The following ZNF799 variants were observed in gnomAD, a reference collection of about 807,000 sequenced individuals.
ZNF799 encodes zinc finger protein 799, also known as zinc finger protein 14.
In ZNF799, 28 loss-of-function variants were observed where a neutral mutation model predicts 41.0. That is an observed-to-expected ratio of 0.68 (90% CI 0.51 to 0.94). ZNF799 has a LOEUF of 0.94. Among genes scored for constraint, ZNF799 ranks in the 40% least tolerant of loss-of-function variants. ZNF799 has a pLI of 0.00. For missense variants in ZNF799, 716 were observed against 764.3 expected (o/e 0.94, Z 0.74); for synonymous variants, 213 against 252.9 (o/e 0.84, Z 1.50).
At chr19:12,401,417 T>G (rs745980975), upstream of ZNF799, 28 of 524,742 alleles carry the variant, frequency 5.3e-5, no homozygotes, top group Non-Finnish European at 8.8e-5. Flanking sequence ...CAGGGCGGGC[T>G]TCCTCCCTGC....
upstream of ZNF799, among the ~76,000 whole-genome samples, chr19:12,402,592 G>A (rs1226011015): frequency 2.1e-5 from 3 of 144,506 alleles, no homozygotes; most frequent in Admixed American, 6.8e-5. Flanking sequence ...CTTTTATTAT[G>A]TTAAGGTAGC....
At chr19:12,398,840 C>A (rs1969937112) in intron 1 of ZNF799, among the ~76,000 whole-genome samples, 1 of 152,092 alleles carries the variant, frequency 6.6e-6, no homozygotes, top group Non-Finnish European at 1.5e-5. Context: ...GAAATTCCAT[C>A]TGAAATCATC....
the ZNF799 span, among the ~76,000 whole-genome samples, chr19:12,411,588 C>T: frequency 1.3e-5 from 2 of 149,808 alleles, no homozygotes; most frequent in Non-Finnish European, 3.0e-5. Context: ...CTTGATATTG[C>T]CCCAGTTTCC....
At chr19:12,409,219 A>G in the ZNF799 span, among the ~76,000 whole-genome samples, 2 of 152,006 alleles carry the variant, frequency 1.3e-5, no homozygotes, top group African/African-American at 4.8e-5. Context: ...ATCCCCTTGC[A>G]TGTGCAGTTC....
chr19:12,394,590 A>T, intron 1 of ZNF799: 1 of 985,432 alleles, frequency 1.0e-6, no homozygotes, highest in Non-Finnish European at 1.2e-6. Context: ...AAGTATGACA[A>T]CAGACTGAGA....
chr19:12,412,556 A>AAC, the ZNF799 span, among the ~76,000 whole-genome samples: 1 of 146,712 alleles, frequency 6.8e-6, no homozygotes, highest in African/African-American at 2.5e-5. Context: ...AAAAAAAAAA[A>AAC]CCCACGAAAT....
chr19:12,391,580 C>A lies in ZNF799; in HGVS notation c.818G>T (p.Arg273Ile), dbSNP rs199866936. The A allele has an allele frequency of 2.5e-6, 4 of 1,613,978 alleles. No individual in the cohort carries two copies. Among genetic ancestry groups the A allele is most frequent in the African/African-American group, 2.7e-5 (2 of 74,898 alleles). ...PDYSSCLRHE[R>I]THTGKKPYTC... ...ATAGGGTTTCTTTCCAGTGTGAGTTCTTTCATGTCTTAGACAAGAACTGTA... is the reference window on the plus strand; with the variant it reads ...ATAGGGTTTCTTTCCAGTGTGAGTTATTTCATGTCTTAGACAAGAACTGTA... Residue 273 changes from arginine to isoleucine, a missense_variant, in exon 4 of 4, where the codon AGA (arginine) becomes ATA (isoleucine). Physicochemically the swap from Arg to Ile is moderately conservative, Grantham distance 97. Coordinates refer to ENST00000430385, the MANE Select transcript of ZNF799 (RefSeq NM_001080821.3).
chr19:12,412,728 T>C, the ZNF799 span, among the ~76,000 whole-genome samples: 2 of 151,934 alleles, frequency 1.3e-5, no homozygotes, highest in East Asian at 1.9e-4. Context: ...ACGGCCCACA[T>C]CCTGTCCCTG....
At chr19:12,400,641 C>G (rs915812210) in intron 1 of ZNF799, 31 of 282,964 alleles carry the variant, frequency 1.1e-4, no homozygotes, top group Non-Finnish European at 1.5e-4. Context: ...CACCAACCAA[C>G]GACCCTACAC....
At chr19:12,393,050 A>G (rs1454894242) in intron 2 of ZNF799, among the ~76,000 whole-genome samples, 2 of 147,200 alleles carry the variant, frequency 1.4e-5, no homozygotes, top group African/African-American at 5.0e-5. Context: ...ATAATACGAC[A>G]TAAAATATAT....
rs966148108 is a variant in ZNF799, at chr19:12,392,702, C to T, written c.131-39G>A. 7.3e-6 allele frequency: 11 copies of T among 1,512,950 alleles called. 1 individual carries two copies. In the Admixed American group the frequency reaches 7.5e-5, roughly 10 times the overall value. The allele number at this position is 1,512,950 out of a possible 1,614,324, so 93.7% of individuals were successfully genotyped here. ...ACAGAAAAATCATTACAAATTTTTA[C>T]AAAATTATAGACAAACAGTAACATT... is the stretch of plus-strand genomic sequence containing the variant. On this transcript the variant is annotated intron_variant, in intron 2 of 3. Transcript: ENST00000430385.
At chr19:12,398,129 C>G (rs535802598) in intron 1 of ZNF799, 1 of 152,182 alleles carries the variant, frequency 6.6e-6, no homozygotes, top group African/African-American at 2.4e-5. Context: ...CATGGCGGCA[C>G]GCACCTGTAG....
At chr19:12,410,361 T>C in the ZNF799 span, among the ~76,000 whole-genome samples, 1 of 150,118 alleles carries the variant, frequency 6.7e-6, no homozygotes, top group African/African-American at 2.4e-5. Context: ...CTCAAATTCC[T>C]GGGCTCAAGT....
chr19:12,391,851 T>C lies in ZNF799; in HGVS notation c.547A>G (p.Asn183Asp). 4.3e-6 allele frequency: 7 copies of C among 1,614,184 alleles called. No individual in the cohort carries two copies. In the Middle Eastern group the frequency reaches 4.9e-4, roughly 114 times the overall value. The stretch of plus-strand genomic sequence containing the variant: ...TGCACTGCCATGTGTCTTTGAAGGT[T>C]TCCCAAAGAACTGAAGGACTTCCCA... ...ECGKSFSSLG[N>D]LQRHMAVQRG... The change falls in exon 4 of 4, where the codon AAC becomes GAC. Residue 183 changes from asparagine (N) to aspartate (D), a missense_variant. Asn to Asp is a conservative substitution (Grantham distance 23, BLOSUM62 1). This residue lies in a region of ZNF799 where 698 missense variants were observed against 713.6 expected (regional missense o/e 0.98). Coordinates refer to ENST00000430385, the MANE Select transcript of ZNF799 (RefSeq NM_001080821.3).
At chr19:12,407,460 C>CT in the ZNF799 span, among the ~76,000 whole-genome samples, 2 of 138,108 alleles carry the variant, frequency 1.4e-5, no homozygotes, top group Non-Finnish European at 3.1e-5. Context: ...AAGACCCTAT[C>CT]TAAAAAAAAA....
intron 2 of ZNF799, 121 bp from the exon 3 acceptor site, chr19:12,392,784 A>G (rs926414419): frequency 1.4e-6 from 1 of 722,252 alleles, no homozygotes; most frequent in Non-Finnish European, 2.3e-6. Flanking sequence ...TGACTCTTGA[A>G]AAACAGAGGT....
chr19:12,395,941 A>G (rs1969889025), intron 1 of ZNF799, among the ~76,000 whole-genome samples: 1 of 152,258 alleles, frequency 6.6e-6, no homozygotes, highest in Non-Finnish European at 1.5e-5. Flanking sequence ...GGATGAACAC[A>G]CACTAAAGAA....
Position 12,401,144 on chromosome 19 carries a change from C to T in ZNF799, c.-74G>A. 2 of 1,611,302 alleles carry T rather than the reference C, an allele frequency of 1.2e-6. No homozygotes were observed. The highest frequency in any genetic ancestry group is 1.7e-6 in the Non-Finnish European group (2 of 1,179,074). On this transcript the variant is annotated 5_prime_UTR_variant, in exon 1 of 4. Transcript: ENST00000430385. Reference sequence around the variant, plus strand: ...AATGCGGGTTCCCGCGGGACACAGGCTGCCACGGAACTTCCAGGTCGTCTC... The same window carrying T: ...AATGCGGGTTCCCGCGGGACACAGGTTGCCACGGAACTTCCAGGTCGTCTC...
Position 12,391,033 on chromosome 19 carries a change from T to C in ZNF799, c.1365A>G (p.Lys455=). Residue 455 remains lysine, a synonymous_variant, in exon 4 of 4, where the codon AAA becomes AAG. Coordinates refer to ENST00000430385, the MANE Select transcript of ZNF799 (RefSeq NM_001080821.3). ...GAAAGGAATAGAAATCAATAAAGGC[T>C]TTCCCACATTTGCATTTATAGGGTT... The part of the protein sequence containing the change: ...GEKPYKCKCG[K]AFIDFYSFQN... The C allele has an allele frequency of 6.2e-7, 1 of 1,614,198 alleles. No homozygotes were observed.
Sources: gnomAD v4.1 joint callset for allele counts (sites outside exome capture counted in the v4.1 genomes callset) on GRCh38, gnomAD v4.1.1 for gene constraint, gnomAD v4.1.1 regional missense constraint, MANE v1.5 for transcripts, NCBI Gene and HGNC (gene_info 2026-07-23, HGNC 2026-07-21) for gene names.